Variants in CRYBG1 observed in about 807,000 individuals in gnomAD.
The protein encoded by CRYBG1 is beta/gamma crystallin domain-containing protein 1.
Under a neutral mutation model 189.2 loss-of-function variants are expected in CRYBG1, and 139 were observed. The ratio of observed to expected loss-of-function variants is 0.73; its 90% confidence interval spans 0.64 to 0.85. The LOEUF (loss-of-function observed/expected upper bound fraction) is 0.85. Ranked by LOEUF, CRYBG1 falls within the 40% of genes least tolerant of loss-of-function variation. The pLI, the probability that CRYBG1 is intolerant of heterozygous loss-of-function variation, is 0.00. For synonymous variants in CRYBG1, 1,023 were observed against 1,017.1 expected, an observed-to-expected ratio of 1.01 and a Z score of -0.11; for missense variants, 2,611 against 2,675.8, an observed-to-expected ratio of 0.98 and a Z score of 0.53.
intron 13 of CRYBG1, among the ~76,000 whole-genome samples, chr6:106,547,213 C>CA (rs1774285476): frequency 1.2e-5 from 1 of 80,402 alleles, no homozygotes; most frequent in African/African-American, 5.9e-5. Context: ...CACACACACA[C>CA]CACTTCCTTT....
intron 1 of CRYBG1, among the ~76,000 whole-genome samples, chr6:106,447,050 C>T (rs2353588): frequency 0.78 from 118,962 of 152,150 alleles, 46,600 homozygotes; most frequent in East Asian, 0.83. Context: ...GGCAGTATAA[C>T]ATCTGTGCTA....
Position 106,571,778 on chromosome 6 carries a change from G to T in CRYBG1, c.*3212G>T. 1 of 470,626 alleles carries T rather than the reference G, an allele frequency of 2.1e-6. No individual in the cohort carries two copies. The highest frequency in any genetic ancestry group is 3.8e-6 in the Non-Finnish European group (1 of 262,680). The allele number at this position is 470,626 out of a possible 1,614,324, so 29.2% of individuals were successfully genotyped here. A position where few individuals can be genotyped will look rare whatever the true frequency, so the allele number is the denominator to read the frequency against. On this transcript the variant is annotated 3_prime_UTR_variant, in exon 22 of 22. Transcript: ENST00000633556. ...CAAAGCCAGTGTGAAGGAACAGCTT[G>T]AAAAAACTTCGAATTTCTACTGACT...
chr6:106,449,984 G>C (rs1771746140), intron 1 of CRYBG1, among the ~76,000 whole-genome samples: 1 of 152,166 alleles, frequency 6.6e-6, no homozygotes. Context: ...CGGCACTTTG[G>C]GAGGCTGAGG....
intron 13 of CRYBG1, among the ~76,000 whole-genome samples, chr6:106,547,185 T>A (rs1413595966): frequency 1.9e-5 from 1 of 51,478 alleles, no homozygotes; most frequent in African/African-American, 4.9e-5. Context: ...TACACATACG[T>A]GGACACACAC....
At chr6:106,546,398 G>C (rs775777772) in intron 13 of CRYBG1, among the ~76,000 whole-genome samples, 7 of 152,212 alleles carry the variant, frequency 4.6e-5, no homozygotes, top group Non-Finnish European at 1.0e-4. Context: ...TGTTGTCATA[G>C]TGACATAGAC....
chr6:106,425,039 G>A lies in CRYBG1; in HGVS notation c.174-26655G>A, dbSNP rs1004651685. On this transcript the variant is annotated intron_variant, in intron 1 of 21. Coordinates refer to ENST00000633556, the MANE Select transcript of CRYBG1 (RefSeq NM_001371242.2). ...GGATGTTACCTTTCTTGCCTCCCTC[G>A]TCAGCACCAGCATTGACCATCTTTC... Among the ~76,000 whole-genome samples, 6 of 152,016 alleles carry A rather than the reference G, an allele frequency of 3.9e-5. No homozygotes were observed. The South Asian group carries it at 6.2e-4, about 16-fold the overall frequency.
At chr6:106,558,164 G>A (rs916834815) in intron 17 of CRYBG1, among the ~76,000 whole-genome samples, 1 of 151,192 alleles carries the variant, frequency 6.6e-6, no homozygotes, top group African/African-American at 2.4e-5. Context: ...TTGTCCCAGT[G>A]AAAATGGCTA....
At chr6:106,372,715 A>G (rs1182022757) in intron 1 of CRYBG1, among the ~76,000 whole-genome samples, 1 of 152,182 alleles carries the variant, frequency 6.6e-6, no homozygotes, top group Non-Finnish European at 1.5e-5. Context: ...CCTATAAACT[A>G]AATAAACATA....
intron 4 of CRYBG1, among the ~76,000 whole-genome samples, chr6:106,523,703 G>A (rs1023821704): frequency 6.7e-6 from 1 of 148,414 alleles, no homozygotes; most frequent in African/African-American, 2.5e-5. Context: ...TCTGGCTTCT[G>A]ATAAGGCTCT....
intron 1 of CRYBG1, among the ~76,000 whole-genome samples, chr6:106,436,585 G>A (rs891416386): frequency 9.0e-5 from 10 of 110,668 alleles, no homozygotes; most frequent in African/African-American, 4.3e-4. Context: ...GAGCCAACGC[G>A]CCCGGCCGCA....
At chr6:106,545,880 A>G (rs1774257311) in intron 13 of CRYBG1, among the ~76,000 whole-genome samples, 1 of 151,982 alleles carries the variant, frequency 6.6e-6, no homozygotes, top group Non-Finnish European at 1.5e-5. Flanking sequence ...GGTTTTTGCC[A>G]TGTTGCCCAG....
At chr6:106,454,870 A>G (rs2114443355) in intron 2 of CRYBG1, 1 of 152,528 alleles carries the variant, frequency 6.6e-6, no homozygotes, top group Admixed American at 6.5e-5. Flanking sequence ...ATTGATCACA[A>G]CCAGTTACAG....
rs899280713 is a variant in CRYBG1 at position 106,570,206 on chromosome 6, A to C, written c.*1640A>C. On this transcript the variant is annotated 3_prime_UTR_variant, in exon 22 of 22. Transcript: ENST00000633556. Reference sequence around the variant, plus strand: ...TTTCCATCTATTCAAGTGTGTTTCTAATTCTAAAATGCTGATCTTCTCTGG... The same window carrying C: ...TTTCCATCTATTCAAGTGTGTTTCTCATTCTAAAATGCTGATCTTCTCTGG... 4 of 152,240 alleles carry C rather than the reference A, an allele frequency of 2.6e-5. No individual in the cohort carries two copies. The highest frequency in any genetic ancestry group is 9.6e-5 in the African/African-American group (4 of 41,454). The allele number at this position is 152,240 out of a possible 1,614,324, so 9.4% of individuals were successfully genotyped here. A position where few individuals can be genotyped will look rare whatever the true frequency, so the allele number is the denominator to read the frequency against.
At chr6:106,532,449 G>T (rs13212772) in intron 8 of CRYBG1, among the ~76,000 whole-genome samples, 73,050 of 151,988 alleles carry the variant, frequency 0.48, 18,419 homozygotes, top group South Asian at 0.68. Context: ...GATCACACAG[G>T]AGTTCTATTT....
intron 2 of CRYBG1, among the ~76,000 whole-genome samples, chr6:106,467,303 C>T (rs933132392): frequency 2.6e-5 from 4 of 151,760 alleles, no homozygotes; most frequent in East Asian, 1.9e-4. Context: ...GAGATCTTGT[C>T]TCTCCAAAAA....
At chr6:106,478,376 T>A (rs1772377331) in intron 2 of CRYBG1, among the ~76,000 whole-genome samples, 1 of 152,196 alleles carries the variant, frequency 6.6e-6, no homozygotes, top group African/African-American at 2.4e-5. Flanking sequence ...ACAGCTACAA[T>A]CTAGAAACTG....
chr6:106,478,232 A>G (rs1562080181), intron 2 of CRYBG1, among the ~76,000 whole-genome samples: 1 of 152,248 alleles, frequency 6.6e-6, no homozygotes. Flanking sequence ...AAAAATTAAA[A>G]AGAAAATAAT....
intron 2 of CRYBG1, among the ~76,000 whole-genome samples, chr6:106,474,532 T>A (rs1466283239): frequency 1.3e-5 from 2 of 152,220 alleles, no homozygotes; most frequent in East Asian, 3.8e-4. Flanking sequence ...GTAATTTATA[T>A]GAAGAAGTGA....
At chr6:106,566,988 C>T (rs534454464) in intron 21 of CRYBG1, among the ~76,000 whole-genome samples, 1 of 152,236 alleles carries the variant, frequency 6.6e-6, no homozygotes, top group South Asian at 2.1e-4. Context: ...TTCATGTTCA[C>T]TTTAAAAAAC....
Sources: gnomAD v4.1 joint callset for allele counts (sites outside exome capture counted in the v4.1 genomes callset) on GRCh38, gnomAD v4.1.1 for gene constraint, MANE v1.5 for transcripts, NCBI Gene and HGNC (gene_info 2026-07-23, HGNC 2026-07-21) for gene names.